STK39: variants seen among roughly 807,000 people sequenced by gnomAD.
The protein encoded by STK39 is serine/threonine kinase 39.
Under a neutral mutation model 77.8 loss-of-function variants are expected in STK39, and 20 were observed. The observed-to-expected ratio is 0.26, with a 90% CI of 0.18 to 0.37. The LOEUF is 0.37. STK39 is among the 10% of genes least tolerant of loss of function. The pLI is 1.00. For synonymous variants in STK39, 246 were observed against 234.1 expected (o/e 1.05, Z -0.47); for missense variants, 479 against 656.5 (o/e 0.73, Z 2.95).
At chr2:168,107,723 G>A (rs958708264) in intron 10 of STK39, among the ~76,000 whole-genome samples, 2 of 152,166 alleles carry the variant, frequency 1.3e-5, no homozygotes, top group African/African-American at 2.4e-5. Flanking sequence ...CAAACTCTGG[G>A]ACATTATGGG....
At chr2:168,171,965 G>T (rs1398020355) in intron 2 of STK39, among the ~76,000 whole-genome samples, 1 of 150,326 alleles carries the variant, frequency 6.7e-6, no homozygotes, top group Non-Finnish European at 1.5e-5. Context: ...CTACTGAAGG[G>T]CCGCACTCTA....
intron 1 of STK39, among the ~76,000 whole-genome samples, chr2:168,196,863 G>A (rs1300093618): frequency 2.0e-5 from 3 of 152,170 alleles, no homozygotes; most frequent in Non-Finnish European, 4.4e-5. Context: ...ATTTTGGAGA[G>A]CTCAAGGGAC....
intron 16 of STK39, among the ~76,000 whole-genome samples, chr2:167,964,981 AT>A (rs1258304242): frequency 1.3e-5 from 2 of 152,252 alleles, no homozygotes; most frequent in African/African-American, 4.8e-5. Context: ...ATTTCATATA[AT>A]AAAATCTGAA....
At chr2:168,044,314 G>C (rs931129550) in intron 14 of STK39, among the ~76,000 whole-genome samples, 2 of 152,098 alleles carry the variant, frequency 1.3e-5, no homozygotes, top group African/African-American at 4.8e-5. Context: ...GATTAGGATG[G>C]AAAAATAGAT....
intron 14 of STK39, among the ~76,000 whole-genome samples, chr2:168,043,490 T>A (rs1039833311): frequency 6.6e-6 from 1 of 152,234 alleles, no homozygotes; most frequent in African/African-American, 2.4e-5. Flanking sequence ...CCTACTTGAT[T>A]AAATCATGTT....
chr2:168,033,813 T>C (rs1382710699), intron 14 of STK39, among the ~76,000 whole-genome samples: 1 of 152,194 alleles, frequency 6.6e-6, no homozygotes, highest in Non-Finnish European at 1.5e-5. Flanking sequence ...TGACGAGCTA[T>C]GAGACCTTGG....
chr2:168,155,122 T>TC (rs1238497837), intron 5 of STK39, among the ~76,000 whole-genome samples: 10 of 151,882 alleles, frequency 6.6e-5, no homozygotes, highest in African/African-American at 2.2e-4. Flanking sequence ...CTCAACCCTG[T>TC]CCCCCCTGCA....
chr2:167,989,125 T>G (rs890422617), intron 16 of STK39, among the ~76,000 whole-genome samples: 1 of 152,192 alleles, frequency 6.6e-6, no homozygotes, highest in African/African-American at 2.4e-5. Context: ...GTGATCAATG[T>G]TCCACATTCA....
At position 167,954,102 on chromosome 2, in the gene STK39, T is replaced by C. The variant is rs202163683; in HGVS notation, c.*1394A>G. On this transcript the variant is annotated 3_prime_UTR_variant, in exon 18 of 18. Coordinates refer to ENST00000355999, the MANE Select transcript of STK39 (RefSeq NM_013233.3). ...TCGTTGTGTAAACAATAGAATGGAA[T>C]GAAATTACATTAAATTGTATGCAAA... 1.3e-5 allele frequency: 2 copies of C among 152,664 alleles called. No individual in the cohort carries two copies. The highest frequency in any genetic ancestry group is 2.9e-5 in the Non-Finnish European group (2 of 68,042). 9.5% of individuals were successfully genotyped at this position (152,664 alleles called of 1,614,324 possible). A position where few individuals can be genotyped will look rare whatever the true frequency, so the allele number is the denominator to read the frequency against.
intron 1 of STK39, among the ~76,000 whole-genome samples, chr2:168,237,613 C>A (rs543331431): frequency 6.6e-6 from 1 of 152,102 alleles, no homozygotes; most frequent in Non-Finnish European, 1.5e-5. Flanking sequence ...TTTTGAGATA[C>A]GTCCCATCAA....
chr2:168,111,284 T>C (rs1687114379), intron 10 of STK39, among the ~76,000 whole-genome samples: 1 of 152,192 alleles, frequency 6.6e-6, no homozygotes, highest in East Asian at 1.9e-4. Flanking sequence ...CAGATTAAGA[T>C]TGTTCTTTTC....
At chr2:168,078,002 T>C (rs1349852707) in intron 10 of STK39, among the ~76,000 whole-genome samples, 1 of 152,130 alleles carries the variant, frequency 6.6e-6, no homozygotes, top group Admixed American at 6.5e-5. Context: ...CATTGATTAT[T>C]ACATTGCTCT....
intron 10 of STK39, among the ~76,000 whole-genome samples, chr2:168,084,949 T>TA (rs1481881110): frequency 6.6e-6 from 1 of 152,148 alleles, no homozygotes; most frequent in Non-Finnish European, 1.5e-5. Flanking sequence ...ACCTCTGCAT[T>TA]AAATAACAGG....
chr2:168,239,627 A>C (rs1690708282), intron 1 of STK39, among the ~76,000 whole-genome samples: 1 of 152,264 alleles, frequency 6.6e-6, no homozygotes, highest in Non-Finnish European at 1.5e-5. Flanking sequence ...TTTAGACGTC[A>C]GGCAATGTTC....
intron 16 of STK39, among the ~76,000 whole-genome samples, chr2:167,976,867 A>C (rs1258232123): frequency 1.3e-5 from 2 of 152,036 alleles, no homozygotes; most frequent in Non-Finnish European, 2.9e-5. Context: ...GCCTCATGTC[A>C]ATCAAACTAT....
intron 1 of STK39, among the ~76,000 whole-genome samples, chr2:168,199,434 T>C (rs1689556122): frequency 6.6e-6 from 1 of 152,180 alleles, no homozygotes; most frequent in South Asian, 2.1e-4. Context: ...TTTTGCAAAA[T>C]TGTATTGTAT....
intron 16 of STK39, among the ~76,000 whole-genome samples, chr2:167,994,041 C>A (rs1461736445): frequency 1.3e-5 from 2 of 152,196 alleles, no homozygotes. Flanking sequence ...GCTCCAACCA[C>A]TTTCATATGT....
intron 15 of STK39, among the ~76,000 whole-genome samples, chr2:168,014,727 C>A (rs1684363275): frequency 6.6e-6 from 1 of 152,176 alleles, no homozygotes; most frequent in African/African-American, 2.4e-5. Flanking sequence ...GGTAGTCATT[C>A]ATTATCTTTC....
chr2:168,161,556 T>G (rs1005153391), intron 5 of STK39, among the ~76,000 whole-genome samples: 2 of 152,208 alleles, frequency 1.3e-5, no homozygotes, highest in African/African-American at 4.8e-5. Flanking sequence ...GAAAATAAAA[T>G]TATTCTTTAT....
Sources: allele counts gnomAD v4.1 joint callset (sites outside exome capture counted in the v4.1 genomes callset), GRCh38; gene constraint gnomAD v4.1.1; transcripts MANE v1.5; gene names NCBI Gene and HGNC (gene_info 2026-07-23, HGNC 2026-07-21).